RYR1: variants seen among roughly 807,000 people sequenced by gnomAD.
RYR1 encodes the protein central core disease of muscle.
In RYR1, 342 loss-of-function variants were observed where a neutral mutation model predicts 583.5. The ratio of observed to expected loss-of-function variants is 0.59; its 90% CI spans 0.54 to 0.64. RYR1 has a LOEUF of 0.64. Ranked by LOEUF, RYR1 falls within the 30% of genes least tolerant of loss-of-function variation. The pLI is 0.00. For missense variants in RYR1, 6,032 were observed against 6,917.2 expected, an observed-to-expected ratio of 0.87 and a Z score of 4.54; for synonymous variants, 2,791 against 2,822.5, an observed-to-expected ratio of 0.99 and a Z score of 0.35.
At chr19:38,511,736 A>G in intron 61 of RYR1, 126 bp downstream of exon 61, 1 of 1,170,586 alleles carries the variant, frequency 8.5e-7, no homozygotes, top group Non-Finnish European at 1.3e-6. Flanking sequence ...ACCTGGAGAC[A>G]TGGACCAGGT....
chr19:38,585,689 G>C (rs1276768087), intron 102 of RYR1, among the ~76,000 whole-genome samples: 1 of 151,732 alleles, frequency 6.6e-6, no homozygotes, highest in Non-Finnish European at 1.5e-5. Flanking sequence ...CACCATGTTG[G>C]CCAGGCTGCT....
chr19:38,565,657 C>T lies in RYR1; in HGVS notation c.13323C>T (p.Thr4441=), dbSNP rs1973381859. The T allele has an allele frequency of 7.2e-7, 1 of 1,387,554 alleles. No individual in the cohort carries two copies. Among genetic ancestry groups the T allele is most frequent in the African/African-American group, 1.5e-5 (1 of 65,702 alleles). 86.0% of individuals were successfully genotyped at this position (1,387,554 alleles called of 1,614,324 possible). A position where few individuals can be genotyped will look rare whatever the true frequency, so the allele number is the denominator to read the frequency against. Residue 4441 remains threonine (T), a synonymous_variant, in exon 91 of 106, where the codon ACC becomes ACT. Coordinates refer to ENST00000359596, the MANE Select transcript of RYR1 (RefSeq NM_000540.3). The surrounding 1 kb of genome is among the most constrained non-coding windows in gnomAD (Gnocchi z 4.7). The part of the protein sequence containing the change: ...PGGADGAVAV[T]DGGPFRPEGA... ...GTGCCGACGGGGCGGTGGCCGTGAC[C>T]GATGGGGGCCCCTTCCGGCCCGAAG...
rs370369058 is a variant in RYR1, at chr19:38,572,138, C to T, written c.13866C>T (p.Gly4622=). 2.2e-5 allele frequency: 35 copies of T among 1,613,440 alleles called. No homozygotes were observed. Among genetic ancestry groups the T allele is most frequent in the African/African-American group, 1.9e-4 (14 of 74,686 alleles). The part of the protein sequence containing the change: ...WGLGAGEEAE[G]DEDENMVYYF... ...TGGGGGCCGGAGAGGAGGCAGAGGG[C>T]GATGAGGATGAGAACATGGTGTACT... The change falls in exon 95 of 106, where the codon GGC becomes GGT. Residue 4622 remains glycine, a synonymous_variant. Coordinates refer to ENST00000359596, the MANE Select transcript of RYR1 (RefSeq NM_000540.3).
rs1377790526 is a variant in RYR1 at position 38,587,501 on chromosome 19, C to G, written c.*81C>G. On this transcript the variant is annotated 3_prime_UTR_variant, in exon 106 of 106. Transcript: ENST00000359596. ...CCCCTTAGTCCCCAAGCCCCTCCCC[C>G]TAAGGCAGCTGGGGGAGAGGTGACC... The G allele has an allele frequency of 2.4e-5, 24 of 1,000,918 alleles. No individual in the cohort carries two copies. In the Admixed American group the frequency reaches 3.6e-4, roughly 15 times the overall value. 62.0% of individuals were successfully genotyped at this position (1,000,918 alleles called of 1,614,324 possible).
At position 38,585,034 on chromosome 19, in the gene RYR1, A is replaced by T. The variant is rs1429521079; in HGVS notation, c.14738A>T (p.Tyr4913Phe). Residue 4913 changes from tyrosine to phenylalanine, a missense_variant, in exon 102 of 106, where the codon TAC becomes TTC. Transcript: ENST00000359596. ...EDPAGDEYEL[Y>F]RVVFDITFFF... ...CCCGCGGGTGACGAATACGAGCTCTACAGGGTGGTCTTCGACATCACCTTC... is the reference window on the plus strand; with the variant it reads ...CCCGCGGGTGACGAATACGAGCTCTTCAGGGTGGTCTTCGACATCACCTTC... 2 of 1,613,978 alleles carry T rather than the reference A, an allele frequency of 1.2e-6. No individual in the cohort carries two copies. Among genetic ancestry groups the T allele is most frequent in the Non-Finnish European group, 1.7e-6 (2 of 1,180,008 alleles).
At chr19:38,532,875 T>TA in intron 78 of RYR1, 139 bp downstream of exon 78, 3 of 815,086 alleles carry the variant, frequency 3.7e-6, no homozygotes, top group South Asian at 3.2e-5. Context: ...GGGAGACAGA[T>TA]ACACCCGCCA....
At chr19:38,506,006 G>A (rs1970431658) in intron 54 of RYR1, 60 bp downstream of exon 54, 6 of 1,594,368 alleles carry the variant, frequency 3.8e-6, no homozygotes, top group Admixed American at 1.7e-5. Flanking sequence ...TAGAACAAGG[G>A]GCATGGCCAG....
intron 16 of RYR1, among the ~76,000 whole-genome samples, chr19:38,456,976 G>A (rs1376674007): frequency 2.9e-5 from 4 of 138,788 alleles, no homozygotes; most frequent in Non-Finnish European, 6.1e-5. Context: ...AACCCGGGAG[G>A]CAGAGCTTGC....
chr19:38,549,975 T>C (rs1003048568), intron 89 of RYR1, among the ~76,000 whole-genome samples: 3 of 150,416 alleles, frequency 2.0e-5, no homozygotes, highest in African/African-American at 4.9e-5. Flanking sequence ...AGGCTGGTCT[T>C]GAACTCCTGG....
At chr19:38,550,427 T>C (rs1483650005) in intron 89 of RYR1, among the ~76,000 whole-genome samples, 1 of 152,204 alleles carries the variant, frequency 6.6e-6, no homozygotes, top group East Asian at 1.9e-4. Flanking sequence ...TATGCATCTT[T>C]TGCAGGAATA....
In RYR1 at chr19:38,469,500, A is replaced by T; in HGVS notation, c.3752A>T (p.His1251Leu). 6.2e-7 allele frequency: 1 copy of T among 1,613,888 alleles called. No individual in the cohort carries two copies. The highest frequency in any genetic ancestry group is 8.5e-7 in the Non-Finnish European group (1 of 1,179,984). The change falls in exon 27 of 106, where the codon CAC (histidine) becomes CTC (leucine). Residue 1251 changes from histidine (H) to leucine (L), a missense_variant. His to Leu is a moderately conservative substitution (Grantham distance 99, BLOSUM62 -3). Around this residue, in one of 11 missense-constraint regions of RYR1, gnomAD observed 2,627 missense variants for 2,961.3 expected, o/e 0.89. Transcript: ENST00000359596. Reference protein sequence around the residue: ...LPQFEPVPLEHPHYEVSRVDG... With the variant: ...LPQFEPVPLELPHYEVSRVDG... ...CAGTTTGAGCCAGTGCCCCTTGAAC[A>T]CCCTCACTATGAGGTAAGGACTGAG...
intron 11 of RYR1, 34 bp downstream of exon 11, chr19:38,448,847 G>T: frequency 6.2e-7 from 1 of 1,604,350 alleles, no homozygotes. Flanking sequence ...GGAGGCTGAG[G>T]TGGGAGAATC....
chr19:38,438,457 A>G (rs1460830865), intron 1 of RYR1, among the ~76,000 whole-genome samples: 1 of 148,508 alleles, frequency 6.7e-6, no homozygotes, highest in Non-Finnish European at 1.5e-5. Context: ...GGGCTTGATT[A>G]TGACTCACTG....
At chr19:38,443,846 T>A in intron 5 of RYR1, 50 bp downstream of exon 5, 4 of 1,553,908 alleles carry the variant, frequency 2.6e-6, no homozygotes, top group Non-Finnish European at 3.6e-6. Context: ...GCAGCAGGGA[T>A]TCAGGGGGTA....
intron 25 of RYR1, among the ~76,000 whole-genome samples, chr19:38,468,052 C>CATCCATCCAT (rs1968211885): frequency 1.7e-4 from 5 of 29,344 alleles, no homozygotes; most frequent in African/African-American, 1.1e-3. Context: ...CATCCATCAT[C>CATCCATCCAT]CATCCATCCA....
chr19:38,510,171 A>C (rs1015651077), intron 58 of RYR1, among the ~76,000 whole-genome samples: 5 of 152,160 alleles, frequency 3.3e-5, no homozygotes, highest in Non-Finnish European at 7.3e-5. Context: ...AAATACAAAA[A>C]TTAGCTTGGT....
At chr19:38,580,263 A>G in intron 100 of RYR1, 107 bp from the exon 101 acceptor site, 1 of 1,585,514 alleles carries the variant, frequency 6.3e-7, no homozygotes, top group East Asian at 2.3e-5. Flanking sequence ...TGTGTGGGGC[A>G]GCAAGGTAGA....
Position 38,575,899 on chromosome 19 carries a change from T to G in RYR1, c.14130-20T>G, listed in dbSNP as rs1568599292. The G allele has an allele frequency of 6.3e-7, 1 of 1,588,380 alleles. No individual in the cohort carries two copies. Among genetic ancestry groups the G allele is most frequent in the Admixed American group, 1.7e-5 (1 of 59,508 alleles). ...GGCCCTAACATCTTATACTCACGCT[T>G]TCTCTCTCTCTCTCTGCAGGTCTTT... is the stretch of plus-strand genomic sequence containing the variant. On this transcript the variant is annotated intron_variant, in intron 96 of 105. Transcript: ENST00000359596.
At position 38,543,941 on chromosome 19, in the gene RYR1, C is replaced by G. The variant is rs567214092; in HGVS notation, c.12012+66C>G. The G allele has an allele frequency of 2.3e-4, 346 of 1,495,572 alleles. No individual in the cohort carries two copies. The highest frequency in any genetic ancestry group is 3.1e-4 in the Non-Finnish European group (338 of 1,091,750). 92.6% of individuals were successfully genotyped at this position (1,495,572 alleles called of 1,614,324 possible). A position where few individuals can be genotyped will look rare whatever the true frequency, so the allele number is the denominator to read the frequency against. On this transcript the variant is annotated intron_variant, in intron 87 of 105. Transcript: ENST00000359596. This position sits in a 1 kb window ranked among gnomAD's most constrained non-coding sequence, Gnocchi z 4.4. ...TCCCCCAAGTGGTCCATTTCCAAGT[C>G]TTGCCCCTTTGGTCAGTTTGTCACC... is the stretch of plus-strand genomic sequence containing the variant.
Sources: allele counts gnomAD v4.1 joint callset (sites outside exome capture counted in the v4.1 genomes callset), GRCh38; gene constraint gnomAD v4.1.1; regional missense constraint gnomAD v4.1.1; non-coding constraint Gnocchi (gnomAD v3.1); transcripts MANE v1.5; gene names NCBI Gene and HGNC (gene_info 2026-07-23, HGNC 2026-07-21).